Variants in PTPRR observed in about 807,000 individuals in gnomAD.
PTPRR encodes the protein receptor-type tyrosine-protein phosphatase R.
A neutral mutation model predicts 77.2 loss-of-function variants in PTPRR; 38 were observed. The observed-to-expected ratio is 0.49, with a 90% CI of 0.38 to 0.65. PTPRR has a LOEUF of 0.65. Ranked by LOEUF, PTPRR falls within the 30% of genes least tolerant of loss-of-function variation. The pLI is 0.00. For missense variants in PTPRR, 744 were observed against 799.2 expected (o/e 0.93, Z 0.83); for synonymous variants, 299 against 283.1 (o/e 1.06, Z -0.57).
chr12:70,914,488 A>T (rs1305477068), intron 1 of PTPRR, among the ~76,000 whole-genome samples: 6 of 152,216 alleles, frequency 3.9e-5, no homozygotes, highest in African/African-American at 1.4e-4. Context: ...AGTGGAGAAC[A>T]TCTTATGAGA....
chr12:70,787,136 T>A (rs1039485906), intron 2 of PTPRR, among the ~76,000 whole-genome samples: 2 of 152,192 alleles, frequency 1.3e-5, no homozygotes, highest in African/African-American at 4.8e-5. Flanking sequence ...ACTCTGCCTA[T>A]TTCATCCTGT....
At chr12:70,878,941 T>C (rs973268730) in intron 2 of PTPRR, among the ~76,000 whole-genome samples, 3 of 152,208 alleles carry the variant, frequency 2.0e-5, no homozygotes, top group Non-Finnish European at 4.4e-5. Context: ...GATGAGTTCA[T>C]GTCCTTTGTA....
chr12:70,783,708 A>G (rs1442024125), intron 2 of PTPRR, among the ~76,000 whole-genome samples: 1 of 152,062 alleles, frequency 6.6e-6, no homozygotes, highest in African/African-American at 2.4e-5. Flanking sequence ...TTTTCTGCCC[A>G]GGAGCCTGTC....
At chr12:70,747,505 C>T (rs1161057577) in intron 5 of PTPRR, among the ~76,000 whole-genome samples, 1 of 152,108 alleles carries the variant, frequency 6.6e-6, no homozygotes, top group African/African-American at 2.4e-5. Context: ...AAATATGAAT[C>T]AACAACGAAA....
In PTPRR at chr12:70,803,138, G is replaced by C. The variant is rs373560666; in HGVS notation, c.358-38360C>G. Among the ~76,000 whole-genome samples, 95 of 152,254 alleles carry C rather than the reference G, an allele frequency of 6.2e-4. 1 individual carries two copies. The highest frequency in any genetic ancestry group is 2.2e-3 in the African/African-American group (93 of 41,566). ...TTGATTCAGGGTATGTGAAGATTTT[G>C]TCACTAAAGCAGTTGCCATCAGCTC... On this transcript the variant is annotated intron_variant, in intron 2 of 13. Coordinates refer to ENST00000283228, the MANE Select transcript of PTPRR (RefSeq NM_002849.4).
At chr12:70,747,810 G>A (rs899336689) in intron 5 of PTPRR, among the ~76,000 whole-genome samples, 1 of 152,146 alleles carries the variant, frequency 6.6e-6, no homozygotes, top group Non-Finnish European at 1.5e-5. Context: ...ATAAGATAGT[G>A]TTTAAAAATA....
chr12:70,807,881 A>G (rs1891738741), intron 2 of PTPRR, among the ~76,000 whole-genome samples: 1 of 152,160 alleles, frequency 6.6e-6, no homozygotes, highest in Non-Finnish European at 1.5e-5. Flanking sequence ...AAACAATATC[A>G]AATCTGGGCA....
At chr12:70,697,610 T>G (rs1446846938) in intron 8 of PTPRR, among the ~76,000 whole-genome samples, 1 of 152,200 alleles carries the variant, frequency 6.6e-6, no homozygotes, top group African/African-American at 2.4e-5. Context: ...TTTTGTTGGC[T>G]TATCTAAGAA....
At chr12:70,676,193 A>T (rs1383004208) in intron 10 of PTPRR, among the ~76,000 whole-genome samples, 1 of 150,700 alleles carries the variant, frequency 6.6e-6, no homozygotes, top group Non-Finnish European at 1.5e-5. Flanking sequence ...TTTTTTTGTC[A>T]TTTTGATCTT....
At chr12:70,908,701 T>C (rs1893659636) in intron 1 of PTPRR, among the ~76,000 whole-genome samples, 1 of 152,138 alleles carries the variant, frequency 6.6e-6, no homozygotes, top group Admixed American at 6.5e-5. Flanking sequence ...AGCTGGCCAC[T>C]TGAAGAGATC....
At chr12:70,868,774 C>G (rs2137088369) in intron 2 of PTPRR, among the ~76,000 whole-genome samples, 1 of 152,110 alleles carries the variant, frequency 6.6e-6, no homozygotes, top group East Asian at 1.9e-4. Flanking sequence ...ATAGCAAAGA[C>G]TTGGAACCAA....
intron 1 of PTPRR, among the ~76,000 whole-genome samples, chr12:70,907,503 G>A (rs947797847): frequency 3.3e-5 from 5 of 152,082 alleles, no homozygotes; most frequent in Admixed American, 3.3e-4. Context: ...AACCGTTTCA[G>A]GAAAAATCCA....
intron 6 of PTPRR, among the ~76,000 whole-genome samples, chr12:70,737,749 C>T (rs1010713151): frequency 3.3e-5 from 5 of 152,156 alleles, no homozygotes; most frequent in African/African-American, 1.2e-4. Context: ...TCTCAAACTC[C>T]TGGCTTCAAG....
chr12:70,804,055 T>C lies in PTPRR; in HGVS notation c.358-39277A>G, dbSNP rs546739901. Among the ~76,000 whole-genome samples, 13 of 151,812 alleles carry C rather than the reference T, an allele frequency of 8.6e-5. No individual in the cohort carries two copies. In the South Asian group the frequency reaches 2.7e-3, roughly 32 times the overall value. ...GTTTAGAAATGGAATTCAAATAAGATAGTCTGTTTGCATGACCCTGAGAGT... is the reference window on the plus strand; with the variant it reads ...GTTTAGAAATGGAATTCAAATAAGACAGTCTGTTTGCATGACCCTGAGAGT... On this transcript the variant is annotated intron_variant, in intron 2 of 13. Transcript: ENST00000283228.
chr12:70,794,699 A>C (rs1261333751), intron 2 of PTPRR, among the ~76,000 whole-genome samples: 1 of 152,176 alleles, frequency 6.6e-6, no homozygotes, highest in Admixed American at 6.5e-5. Flanking sequence ...ATGGGTCCTC[A>C]ATGACACAGG....
At chr12:70,770,178 G>A (rs1890936357) in intron 2 of PTPRR, among the ~76,000 whole-genome samples, 1 of 147,852 alleles carries the variant, frequency 6.8e-6, no homozygotes, top group African/African-American at 2.5e-5. Flanking sequence ...TTAAACTAAA[G>A]AGCTTCTGCA....
rs34906995 is a variant in PTPRR, at chr12:70,669,451, T to TTA, written c.1498-6848_1498-6847dup. Among the ~76,000 whole-genome samples, 119 of 146,806 alleles carry TTA rather than the reference T, an allele frequency of 8.1e-4. 1 individual carries two copies. The highest frequency in any genetic ancestry group is 1.3e-3 in the Admixed American group (19 of 14,624). ...AAGCTATTTTATATATATATGCTATTTATATATATATATATACACACAAGC... is the reference window on the plus strand; with the variant it reads ...AAGCTATTTTATATATATATGCTATTTATATATATATATATATACACACAAGC... On this transcript the variant is annotated intron_variant, in intron 10 of 13. Coordinates refer to ENST00000283228, the MANE Select transcript of PTPRR (RefSeq NM_002849.4).
At chr12:70,841,015 A>T (rs1892387687) in intron 2 of PTPRR, among the ~76,000 whole-genome samples, 1 of 147,430 alleles carries the variant, frequency 6.8e-6, no homozygotes, top group Non-Finnish European at 1.5e-5. Context: ...CTCGGAGATA[A>T]AACAGCCCTG....
chr12:70,852,951 G>A (rs1892594353), intron 2 of PTPRR, among the ~76,000 whole-genome samples: 1 of 152,096 alleles, frequency 6.6e-6, no homozygotes, highest in Admixed American at 6.6e-5. Context: ...AAGAAGTTCT[G>A]TCCTCATGGG....
Sources: gnomAD v4.1 joint callset for allele counts (sites outside exome capture counted in the v4.1 genomes callset) on GRCh38, gnomAD v4.1.1 for gene constraint, MANE v1.5 for transcripts, NCBI Gene and HGNC (gene_info 2026-07-23, HGNC 2026-07-21) for gene names.